The following COX10 variants were observed in gnomAD, a reference collection of about 807,000 sequenced individuals.
The protein encoded by COX10 is protoheme IX farnesyltransferase, mitochondrial.
COX10 carries 27 observed loss-of-function variants against 37.3 expected under a neutral mutation model. That is an observed-to-expected ratio of 0.72 (90% CI 0.53 to 1.00). The LOEUF (loss-of-function observed/expected upper bound fraction) is 1.00, where lower values mean the gene tolerates loss of function less well. Among genes scored for constraint, COX10 ranks in the 50% least tolerant of loss-of-function variants. The pLI is 0.00. For missense variants in COX10, 475 were observed against 563.2 expected (o/e 0.84, Z 1.59); for synonymous variants, 222 against 229.1 (o/e 0.97, Z 0.28).
intron 5 of COX10, among the ~76,000 whole-genome samples, chr17:14,180,165 G>A (rs1240449137): frequency 2.0e-5 from 3 of 151,560 alleles, no homozygotes; most frequent in Admixed American, 1.3e-4. Context: ...CTAGCAGACG[G>A]GTACCCAGCC....
intron 5 of COX10, among the ~76,000 whole-genome samples, chr17:14,179,968 A>G (rs1399450803): frequency 2.0e-5 from 3 of 152,164 alleles, no homozygotes; most frequent in Non-Finnish European, 4.4e-5. Flanking sequence ...TTAGAAATGA[A>G]ATGAATGGAT....
chr17:14,110,504 G>C (rs1915986072), intron 4 of COX10, among the ~76,000 whole-genome samples: 1 of 151,926 alleles, frequency 6.6e-6, no homozygotes. Context: ...TGTATCTCTG[G>C]GTAGCATGTT....
Position 14,204,447 on chromosome 17 carries a change from A to C in COX10, c.929-2363A>C, listed in dbSNP as rs548927657. Among the ~76,000 whole-genome samples, 165 of 151,926 alleles carry C rather than the reference A, an allele frequency of 1.1e-3. 1 individual carries two copies. Among genetic ancestry groups the C allele is most frequent in the African/African-American group, 3.8e-3 (159 of 41,458 alleles). On this transcript the variant is annotated intron_variant, in intron 6 of 6. Transcript: ENST00000261643. ...AGGATCCATAAGCCCAGGACTTGCTATTGATACCTCCTCCCTCTCTCCTCC... is the reference window on the plus strand; with the variant it reads ...AGGATCCATAAGCCCAGGACTTGCTCTTGATACCTCCTCCCTCTCTCCTCC...
intron 4 of COX10, among the ~76,000 whole-genome samples, chr17:14,127,470 T>A (rs999495637): frequency 6.6e-6 from 1 of 152,178 alleles, no homozygotes; most frequent in Non-Finnish European, 1.5e-5. Context: ...TAAAATCTTC[T>A]TAATGATTAT....
At chr17:14,191,675 A>G (rs567644277) in intron 5 of COX10, among the ~76,000 whole-genome samples, 15 of 152,336 alleles carry the variant, frequency 9.8e-5, no homozygotes, top group Non-Finnish European at 1.9e-4. Context: ...AGAGAGGAGT[A>G]AGTGAAACCT....
rs1410566361 is a variant in COX10 at position 14,095,681 on chromosome 17, G to T, written c.500-6437G>T. Among the ~76,000 whole-genome samples, 5 of 152,296 alleles carry T rather than the reference G, an allele frequency of 3.3e-5. No individual in the cohort carries two copies. The East Asian group carries it at 5.8e-4, about 18-fold the overall frequency. ...GGTCTAACCGGGCTGAATTCAAGGT[G>T]TTGGTTGAGACTGTTCTCATCTGGG... On this transcript the variant is annotated intron_variant, in intron 3 of 6. Transcript: ENST00000261643.
Position 14,102,113 on chromosome 17 carries a change from C to T in COX10, c.500-5C>T, listed in dbSNP as rs760813768. 5.6e-6 allele frequency: 9 copies of T among 1,613,368 alleles called. No individual in the cohort carries two copies. The highest frequency in any genetic ancestry group is 2.2e-5 in the East Asian group (1 of 44,868). ...CAGTGTGTCTGCTCTGTTTCTGTAT[C>T]GCAGCTCTGGTTGTAAGTACCACTG... On this transcript the variant is annotated splice_region_variant and splice_polypyrimidine_tract_variant and intron_variant, in intron 3 of 6. Transcript: ENST00000261643.
intron 4 of COX10, among the ~76,000 whole-genome samples, chr17:14,120,431 G>T: frequency 6.6e-6 from 1 of 152,188 alleles, no homozygotes; most frequent in East Asian, 1.9e-4. Context: ...TGTTGCAGAG[G>T]ACATAAAGAA....
At chr17:14,109,769 A>G (rs1915972933) in intron 4 of COX10, among the ~76,000 whole-genome samples, 1 of 152,170 alleles carries the variant, frequency 6.6e-6, no homozygotes, top group South Asian at 2.1e-4. Flanking sequence ...GCCACGGTGT[A>G]GTAGAGGTGG....
At chr17:14,098,736 A>G (rs1360168478) in intron 3 of COX10, among the ~76,000 whole-genome samples, 1 of 152,182 alleles carries the variant, frequency 6.6e-6, no homozygotes, top group Non-Finnish European at 1.5e-5. Context: ...CAGAGTCAGT[A>G]ATCACCATGG....
intron 4 of COX10, among the ~76,000 whole-genome samples, chr17:14,132,485 C>T (rs73979164): frequency 6.6e-6 from 1 of 151,692 alleles, no homozygotes; most frequent in Non-Finnish European, 1.5e-5. Context: ...TTTATAAGCC[C>T]TTTACCGAAT....
At chr17:14,114,493 T>TA (rs1245887326) in intron 4 of COX10, among the ~76,000 whole-genome samples, 4 of 152,088 alleles carry the variant, frequency 2.6e-5, no homozygotes, top group Non-Finnish European at 4.4e-5. Flanking sequence ...AGTATAATAG[T>TA]AAAAAAATTC....
intron 6 of COX10, among the ~76,000 whole-genome samples, chr17:14,193,810 C>G (rs898772086): frequency 6.7e-6 from 1 of 149,302 alleles, no homozygotes; most frequent in African/African-American, 2.4e-5. Context: ...CGCAACTGTC[C>G]TCTTCCCTCT....
Position 14,207,046 on chromosome 17 carries a change from A to G in COX10, c.1165A>G (p.Asn389Asp). The change falls in exon 7 of 7, where the codon AAT becomes GAT. Residue 389 changes from asparagine (N) to aspartate (D), a missense_variant. By Grantham distance (23) the Asn-to-Asp change is conservative. Around this residue, in one of 5 missense-constraint regions of COX10, gnomAD observed 160 missense variants for 180.6 expected, o/e 0.89. Coordinates refer to ENST00000261643, the MANE Select transcript of COX10 (RefSeq NM_001303.4). The part of the protein sequence containing the change: ...WTFPIMALPI[N>D]AYISYLGFRF... ...CTTCCCCATCATGGCCCTTCCCATC[A>G]ATGCGTACATCTCCTACCTCGGCTT... is the stretch of plus-strand genomic sequence containing the variant. The G allele has an allele frequency of 1.2e-6, 2 of 1,614,018 alleles. No individual in the cohort carries two copies. The highest frequency in any genetic ancestry group is 1.7e-6 in the Non-Finnish European group (2 of 1,179,906).
chr17:14,192,814 A>G (rs1419577662), intron 6 of COX10, among the ~76,000 whole-genome samples: 1 of 152,146 alleles, frequency 6.6e-6, no homozygotes, highest in Non-Finnish European at 1.5e-5. Context: ...TGTGTAAGGG[A>G]AGTTTCACAG....
At chr17:14,122,489 ACATTTAATAC>A (rs1198429831) in intron 4 of COX10, among the ~76,000 whole-genome samples, 1 of 152,174 alleles carries the variant, frequency 6.6e-6, no homozygotes, top group Non-Finnish European at 1.5e-5. Context: ...AAACCAAGGG[ACATTTAATAC>A]AATCATATAT....
At chr17:14,192,445 T>A (rs1415586270) in intron 6 of COX10, among the ~76,000 whole-genome samples, 1 of 152,074 alleles carries the variant, frequency 6.6e-6, no homozygotes, top group Non-Finnish European at 1.5e-5. Context: ...ATAGGGAATG[T>A]CTGGGAGAAA....
At chr17:14,097,970 A>G (rs905241880) in intron 3 of COX10, among the ~76,000 whole-genome samples, 5 of 151,670 alleles carry the variant, frequency 3.3e-5, no homozygotes, top group African/African-American at 1.2e-4. Flanking sequence ...TAATGACAGG[A>G]AAAAAAAAGT....
At chr17:14,117,112 T>C (rs1305567655) in intron 4 of COX10, among the ~76,000 whole-genome samples, 1 of 152,270 alleles carries the variant, frequency 6.6e-6, no homozygotes, top group African/African-American at 2.4e-5. Context: ...TGTTCTGTCA[T>C]ATCTTTTGTC....
Sources: allele counts gnomAD v4.1 joint callset (sites outside exome capture counted in the v4.1 genomes callset), GRCh38; gene constraint gnomAD v4.1.1; regional missense constraint gnomAD v4.1.1; transcripts MANE v1.5; gene names NCBI Gene and HGNC (gene_info 2026-07-23, HGNC 2026-07-21).